The following WAC variants were observed in gnomAD, a reference collection of about 807,000 sequenced individuals.
WAC encodes WW domain-containing adapter protein with coiled-coil.
WAC carries 11 observed loss-of-function variants against 79.6 expected under a neutral mutation model. The ratio of observed to expected loss-of-function variants is 0.14; its 90% CI spans 0.09 to 0.23. WAC has a LOEUF of 0.23. Ranked by LOEUF, WAC falls within the 10% of genes least tolerant of loss-of-function variation. WAC has a pLI of 1.00. For synonymous variants in WAC, 304 were observed against 276.9 expected (o/e 1.10, Z -0.97); for missense variants, 728 against 773.5 (o/e 0.94, Z 0.70).
chr10:28,559,408 A>G (rs1056505937), intron 3 of WAC, among the ~76,000 whole-genome samples: 6 of 152,258 alleles, frequency 3.9e-5, no homozygotes, highest in African/African-American at 1.4e-4. Flanking sequence ...GTTAGCTACC[A>G]GTGTGTTTCT....
At chr10:28,533,822 C>T (rs994197412) in intron 1 of WAC, 176 bp from the exon 2 acceptor site, 50 of 1,001,454 alleles carry the variant, frequency 5.0e-5, no homozygotes, top group Non-Finnish European at 6.5e-5. Context: ...CGCGGCATTT[C>T]GCCCTCTCCG....
intron 6 of WAC, among the ~76,000 whole-genome samples, chr10:28,592,362 A>G (rs930967303): frequency 2.6e-5 from 4 of 152,108 alleles, no homozygotes; most frequent in Non-Finnish European, 5.9e-5. Context: ...GATGGCTCAC[A>G]CCTGTAATCC....
intron 4 of WAC, among the ~76,000 whole-genome samples, chr10:28,585,544 C>CTT (rs112475517): frequency 2.8e-5 from 4 of 141,264 alleles, no homozygotes; most frequent in Non-Finnish European, 6.2e-5. Flanking sequence ...TTTTTCCTTT[C>CTT]TTTTTTTTTT....
At chr10:28,545,468 G>A (rs932600672) in intron 3 of WAC, among the ~76,000 whole-genome samples, 1 of 152,110 alleles carries the variant, frequency 6.6e-6, no homozygotes, top group African/African-American at 2.4e-5. Flanking sequence ...CAACAAGAGC[G>A]AAACTCCGTC....
intron 7 of WAC, among the ~76,000 whole-genome samples, chr10:28,598,067 C>G (rs540653492): frequency 6.6e-6 from 1 of 152,306 alleles, no homozygotes; most frequent in East Asian, 1.9e-4. Context: ...CGTACCTGGC[C>G]AGGTTCTCTT....
rs2132295531 is a variant in WAC at position 28,534,043 on chromosome 10, C to G, written c.78+9C>G. 1 of 1,576,724 alleles carries G rather than the reference C, an allele frequency of 6.3e-7. No homozygotes were observed. Among genetic ancestry groups the G allele is most frequent in the South Asian group, 1.1e-5 (1 of 87,984 alleles). Reference sequence around the variant, plus strand: ...ACTCGCAGCCTTACCAGGTACCAGCCGAGGCCGGGGTGGAGGGATTGGAAG... The same window carrying G: ...ACTCGCAGCCTTACCAGGTACCAGCGGAGGCCGGGGTGGAGGGATTGGAAG... On this transcript the variant is annotated intron_variant, in intron 2 of 13. Transcript: ENST00000354911.
intron 3 of WAC, among the ~76,000 whole-genome samples, chr10:28,550,454 T>C (rs1837605468): frequency 2.0e-5 from 3 of 152,134 alleles, no homozygotes; most frequent in Admixed American, 1.3e-4. Flanking sequence ...ATCTTTATTA[T>C]AGCTCTTTTG....
At chr10:28,609,718 C>A (rs185442273) in intron 8 of WAC, among the ~76,000 whole-genome samples, 18 of 152,076 alleles carry the variant, frequency 1.2e-4, no homozygotes, top group Middle Eastern at 3.4e-3. Context: ...ACTAAAAATA[C>A]AAAAACTTAG....
intron 3 of WAC, among the ~76,000 whole-genome samples, chr10:28,563,744 C>CTCTTTTTTT (rs1838427319): frequency 1.5e-5 from 1 of 67,936 alleles, no homozygotes; most frequent in Admixed American, 2.3e-4. Context: ...CTACACCCAG[C>CTCTTTTTTT]TTTTTTTTTT....
rs1836394173 is a variant in WAC at position 28,533,500 on chromosome 10, G to C, written c.-80G>C. 2.1e-6 allele frequency: 2 copies of C among 974,126 alleles called. No homozygotes were observed. The highest frequency in any genetic ancestry group is 1.8e-5 in the African/African-American group (1 of 55,950). The allele number at this position is 974,126 out of a possible 1,614,324, so 60.3% of individuals were successfully genotyped here. A position where few individuals can be genotyped will look rare whatever the true frequency, so the allele number is the denominator to read the frequency against. ...GTGCCGGGGCTGCCCGCCGCCCGCC[G>C]CCGCCGCCGCCTGCGCGCCCGCCCG... On this transcript the variant is annotated 5_prime_UTR_variant, in exon 1 of 14. Coordinates refer to ENST00000354911, the MANE Select transcript of WAC (RefSeq NM_016628.5).
intron 3 of WAC, among the ~76,000 whole-genome samples, chr10:28,571,468 C>G (rs1838959692): frequency 6.6e-6 from 1 of 152,170 alleles, no homozygotes; most frequent in African/African-American, 2.4e-5. Flanking sequence ...GTACTTTGCC[C>G]TCTGAATCTT....
At chr10:28,602,686 T>TA (rs1206023464) in intron 7 of WAC, among the ~76,000 whole-genome samples, 1 of 152,134 alleles carries the variant, frequency 6.6e-6, no homozygotes, top group Non-Finnish European at 1.5e-5. Context: ...ACCAGAAAAA[T>TA]ATAGGTAAGA....
At chr10:28,593,848 A>C (rs1026638674) in intron 6 of WAC, among the ~76,000 whole-genome samples, 3 of 152,184 alleles carry the variant, frequency 2.0e-5, no homozygotes, top group African/African-American at 7.2e-5. Context: ...TTATTTTTGC[A>C]AACCTGTGCT....
At chr10:28,551,850 A>G (rs1439241171) in intron 3 of WAC, among the ~76,000 whole-genome samples, 20 of 109,752 alleles carry the variant, frequency 1.8e-4, no homozygotes, top group Non-Finnish European at 2.6e-4. Flanking sequence ...CCTGAGATGG[A>G]GTCTCGCTCT....
At position 28,610,764 on chromosome 10, in the gene WAC, C is replaced by T; in HGVS notation, c.1231C>T (p.Pro411Ser). ...AATTCATAAGTTTCTTACTGCTGGA[C>T]CATCTGCTTTCAACATAACGTCTCT... ...SIIHKFLTAG[P>S]SAFNITSLIS... Residue 411 changes from proline (P) to serine (S), a missense_variant, in exon 9 of 14, where the codon CCA (proline) becomes TCA (serine). Pro to Ser is a moderately conservative substitution (Grantham distance 74). Transcript: ENST00000354911. The T allele has an allele frequency of 6.2e-7, 1 of 1,612,716 alleles. No homozygotes were observed. Among genetic ancestry groups the T allele is most frequent in the Non-Finnish European group, 8.5e-7 (1 of 1,179,692 alleles).
chr10:28,550,238 T>G (rs530619371), intron 3 of WAC, among the ~76,000 whole-genome samples: 7 of 151,778 alleles, frequency 4.6e-5, no homozygotes, highest in Non-Finnish European at 1.5e-5. Context: ...TCAGCCACTC[T>G]CTGCCTTCTC....
intron 3 of WAC, among the ~76,000 whole-genome samples, chr10:28,551,805 T>TGTGTGTGC (rs1269074893): frequency 6.7e-6 from 1 of 149,186 alleles, no homozygotes; most frequent in Non-Finnish European, 1.5e-5. Flanking sequence ...TGTGTGTGTG[T>TGTGTGTGC]GTGTGTGTGT....
chr10:28,598,329 T>A (rs961076066), intron 7 of WAC, among the ~76,000 whole-genome samples: 1 of 152,038 alleles, frequency 6.6e-6, no homozygotes, highest in African/African-American at 2.4e-5. Flanking sequence ...CTTGGACATT[T>A]GTTAGGACTT....
intron 7 of WAC, among the ~76,000 whole-genome samples, chr10:28,603,394 C>T (rs1840737130): frequency 6.6e-6 from 1 of 152,116 alleles, no homozygotes; most frequent in South Asian, 2.1e-4. Context: ...TGCATTGAAG[C>T]AGTGAGAGTA....
Sources: allele counts gnomAD v4.1 joint callset (sites outside exome capture counted in the v4.1 genomes callset), GRCh38; gene constraint gnomAD v4.1.1; transcripts MANE v1.5; gene names NCBI Gene and HGNC (gene_info 2026-07-23, HGNC 2026-07-21).